The following USP5 variants were observed in gnomAD, a reference collection of about 807,000 sequenced individuals.
USP5 encodes the protein ubiquitin specific peptidase 5.
A neutral mutation model predicts 102.5 loss-of-function variants in USP5; 24 were observed. The observed-to-expected ratio is 0.23, with a 90% CI of 0.17 to 0.33. USP5 has a LOEUF of 0.33. Ranked by LOEUF, USP5 falls within the 10% of genes least tolerant of loss-of-function variation. The pLI, the probability that USP5 is intolerant of heterozygous loss-of-function variation, is 1.00. For missense variants in USP5, 753 were observed against 1,122.1 expected (o/e 0.67, Z 4.70); for synonymous variants, 460 against 434.8 (o/e 1.06, Z -0.72).
At position 6,864,276 on chromosome 12, in the gene USP5, A is replaced by T; in HGVS notation, c.2244+81A>T. 2.0e-6 allele frequency: 3 copies of T among 1,492,246 alleles called. No individual in the cohort carries two copies. In the African/African-American group the frequency reaches 4.2e-5, roughly 21 times the overall value. The allele number at this position is 1,492,246 out of a possible 1,614,324, so 92.4% of individuals were successfully genotyped here. ...TGAGGGGCCATCCTTCTTGAGCAAG[A>T]CCAAAGACAACAGGTGTGGTCTGGC... On this transcript the variant is annotated intron_variant, in intron 17 of 19. Transcript: ENST00000229268. This position sits in a 1 kb window ranked among gnomAD's most constrained non-coding sequence, Gnocchi z 4.8.
rs1591611396 is a variant in USP5 at position 6,864,333 on chromosome 12, A to G, written c.2244+138A>G. The stretch of plus-strand genomic sequence containing the variant: ...TGGGCACCACTCTTTTGTGGCTGCG[A>G]TGAAGGAGCTGAAGCCTGCGTTCAC... On this transcript the variant is annotated intron_variant, in intron 17 of 19. Coordinates refer to ENST00000229268, the MANE Select transcript of USP5 (RefSeq NM_001098536.2). This position sits in a 1 kb window ranked among gnomAD's most constrained non-coding sequence, Gnocchi z 4.8. 2 of 1,273,034 alleles carry G rather than the reference A, an allele frequency of 1.6e-6. No homozygotes were observed. Among genetic ancestry groups the G allele is most frequent in the Non-Finnish European group, 2.1e-6 (2 of 956,302 alleles). The allele number at this position is 1,273,034 out of a possible 1,614,324, so 78.9% of individuals were successfully genotyped here.
In USP5 at chr12:6,860,045, CGTT is replaced by C. The variant is rs1437005095; in HGVS notation, c.1131-101_1131-99del. The C allele has an allele frequency of 1.1e-5, 13 of 1,226,476 alleles. No individual in the cohort carries two copies. The highest frequency in any genetic ancestry group is 4.7e-5 in the East Asian group (2 of 42,650). The allele number at this position is 1,226,476 out of a possible 1,614,324, so 76.0% of individuals were successfully genotyped here. A position where few individuals can be genotyped will look rare whatever the true frequency, so the allele number is the denominator to read the frequency against. On this transcript the variant is annotated intron_variant, in intron 9 of 19. Transcript: ENST00000229268. The surrounding 1 kb of genome is among the most constrained non-coding windows in gnomAD (Gnocchi z 5.5). ...TTCCTGTAGAATCTAAGGTTTTTCACGTTGTTGAGAGTTAGCTAGGGAGAGCCA... is the reference window on the plus strand; with the variant it reads ...TTCCTGTAGAATCTAAGGTTTTTCACGTTGAGAGTTAGCTAGGGAGAGCCA...
chr12:6,860,268 C>G lies in USP5; in HGVS notation c.1218+30C>G, dbSNP rs1555129241. The G allele has an allele frequency of 6.2e-7, 1 of 1,610,848 alleles. No individual in the cohort carries two copies. Among genetic ancestry groups the G allele is most frequent in the East Asian group, 2.2e-5 (1 of 44,822 alleles). On this transcript the variant is annotated intron_variant, in intron 10 of 19. Transcript: ENST00000229268. The surrounding 1 kb of genome is among the most constrained non-coding windows in gnomAD (Gnocchi z 5.5). ...GTCTAGGACCCTGTCCCTTTCAGGC[C>G]CTGGGATTGTGGGGAAGCTGAGGTC...
rs1555130124 is a variant in USP5 at position 6,863,911 on chromosome 12, A to G, written c.2036A>G (p.Tyr679Cys). The change falls in exon 16 of 20, where the codon TAC becomes TGC. Residue 679 changes from tyrosine to cysteine, a missense_variant. By Grantham distance (194) the Tyr-to-Cys change is radical (BLOSUM62 -2). Coordinates refer to ENST00000229268, the MANE Select transcript of USP5 (RefSeq NM_001098536.2). This position sits in a 1 kb window ranked among gnomAD's most constrained non-coding sequence, Gnocchi z 4.7. ...PMDACRKAVY[Y>C]TGNSGAEAAM... ...GACGCCTGCCGCAAAGCTGTCTACT[A>G]CACGGGCAACAGCGGGGCTGAGGCC... 6.2e-7 allele frequency: 1 copy of G among 1,611,892 alleles called. No homozygotes were observed. The highest frequency in any genetic ancestry group is 1.7e-5 in the Admixed American group (1 of 59,780).
In USP5 at chr12:6,865,991, ATCTAC is replaced by A. The variant is rs1944435352; in HGVS notation, c.2492_2496del (p.Ile831LysfsTer2). 6.2e-7 allele frequency: 1 copy of A among 1,613,950 alleles called. No homozygotes were observed. Among genetic ancestry groups the A allele is most frequent in the Admixed American group, 1.7e-5 (1 of 59,992 alleles). ...TTTTCCCCACTTCCCCAGATGGGTG[ATCTAC>A]AATGACCAGAAAGTGTGTGCCTCCG... On this transcript the variant is annotated frameshift_variant, in exon 20 of 20. Transcript: ENST00000229268. LOFTEE classifies it high-confidence loss of function.
Position 6,860,833 on chromosome 12 carries a change from C to T in USP5, c.1345-120C>T. 1 of 1,432,704 alleles carries T rather than the reference C, an allele frequency of 7.0e-7. No individual in the cohort carries two copies. Among genetic ancestry groups the T allele is most frequent in the Non-Finnish European group, 9.6e-7 (1 of 1,046,078 alleles). The allele number at this position is 1,432,704 out of a possible 1,614,324, so 88.7% of individuals were successfully genotyped here. A position where few individuals can be genotyped will look rare whatever the true frequency, so the allele number is the denominator to read the frequency against. ...AATTAGGGAAGGTTTCTGCTCTGCT[C>T]TTGTGTCCCTGAGTTCCGAGTGGTA... On this transcript the variant is annotated intron_variant, in intron 11 of 19. Transcript: ENST00000229268. The surrounding 1 kb of genome is among the most constrained non-coding windows in gnomAD (Gnocchi z 5.5).
chr12:6,865,810 G>C (rs1038895498), intron 19 of USP5, among the ~76,000 whole-genome samples, 174 bp from the exon 20 acceptor site: 1 of 152,202 alleles, frequency 6.6e-6, no homozygotes, highest in Non-Finnish European at 1.5e-5. Context: ...AATAGGGTCC[G>C]TGACCCTTGT....
At chr12:6,862,031 C>T (rs1944292191) in intron 13 of USP5, among the ~76,000 whole-genome samples, 1 of 151,710 alleles carries the variant, frequency 6.6e-6, no homozygotes, top group Non-Finnish European at 1.5e-5. Context: ...GAGTCAGCTA[C>T]CCAGCCCTTT....
Position 6,861,076 on chromosome 12 carries a change from C to A in USP5, c.1468C>A (p.Pro490Thr). ...TQRVDYIMQL[P>T]VPMDAALNKE... is the part of the protein sequence containing the mutation. ...GCGAGTTGACTACATCATGCAGCTG[C>A]CTGTGCCCATGGATGCAGCCCTTAA... Residue 490 changes from proline to threonine, a missense_variant, in exon 12 of 20, where the codon CCT becomes ACT. Around this residue, in one of 3 missense-constraint regions of USP5, gnomAD observed 527 missense variants for 816.5 expected, o/e 0.65. Coordinates refer to ENST00000229268, the MANE Select transcript of USP5 (RefSeq NM_001098536.2). The surrounding 1 kb of genome is among the most constrained non-coding windows in gnomAD (Gnocchi z 4.9). 1.9e-6 allele frequency: 3 copies of A among 1,614,222 alleles called. No homozygotes were observed. The highest frequency in any genetic ancestry group is 2.5e-6 in the Non-Finnish European group (3 of 1,180,038).
intron 19 of USP5, 91 bp downstream of exon 19, chr12:6,865,339 G>A: frequency 8.4e-7 from 1 of 1,189,158 alleles, no homozygotes; most frequent in Non-Finnish European, 1.2e-6. Flanking sequence ...ATGGGAGAAG[G>A]TGAAGGGACT....
In USP5 at chr12:6,858,986, G is replaced by C. The variant is rs1439432190; in HGVS notation, c.1058+369G>C. Among the ~76,000 whole-genome samples the C allele has an allele frequency of 6.6e-6, 1 of 152,128 alleles. No homozygotes were observed. Among genetic ancestry groups the C allele is most frequent in the Non-Finnish European group, 1.5e-5 (1 of 68,026 alleles). On this transcript the variant is annotated intron_variant, in intron 8 of 19. Coordinates refer to ENST00000229268, the MANE Select transcript of USP5 (RefSeq NM_001098536.2). This position sits in a 1 kb window ranked among gnomAD's most constrained non-coding sequence, Gnocchi z 4.2. ...ATAGTGCAGAGTGCCAAGTCCCAGG[G>C]CTCTGTGGCCTTCTGACAGACTCAA...
chr12:6,854,049 C>A (rs981200430), intron 1 of USP5, among the ~76,000 whole-genome samples: 6 of 152,212 alleles, frequency 3.9e-5, no homozygotes, highest in Admixed American at 3.9e-4. Flanking sequence ...CCTCCACCTT[C>A]TCCATCACTC....
rs1337081784 is a variant in USP5 at position 6,858,166 on chromosome 12, G to A, written c.865-258G>A. The stretch of plus-strand genomic sequence containing the variant: ...GGAGGTTAGGGGTAACTTAAGGATG[G>A]GAAAAACATTTCAGGTAGAAGGAAA... On this transcript the variant is annotated intron_variant, in intron 7 of 19. Coordinates refer to ENST00000229268, the MANE Select transcript of USP5 (RefSeq NM_001098536.2). This position sits in a 1 kb window ranked among gnomAD's most constrained non-coding sequence, Gnocchi z 4.2. Among the ~76,000 whole-genome samples, 1 of 152,106 alleles carries A rather than the reference G, an allele frequency of 6.6e-6. No individual in the cohort carries two copies. Among genetic ancestry groups the A allele is most frequent in the Admixed American group, 6.5e-5 (1 of 15,270 alleles).
At chr12:6,859,658 T>C in intron 9 of USP5, 117 bp downstream of exon 9, 1 of 1,076,164 alleles carries the variant, frequency 9.3e-7, no homozygotes, top group East Asian at 2.5e-5. Context: ...TTGTTTTGTT[T>C]TGTTTTGTTT....
Position 6,864,091 on chromosome 12 carries a change from G to A in USP5, c.2140G>A (p.Gly714Ser). Reference protein sequence around the residue: ...PLILPGSSGPGSTSAAADPPP... With the variant: ...PLILPGSSGPSSTSAAADPPP... ...CATCCTGCCTGGCTCTAGTGGGCCG[G>A]GCTCCACAAGCGCAGCAGCCGACCC... is the stretch of plus-strand genomic sequence containing the variant. The change falls in exon 17 of 20, where the codon GGC (glycine) becomes AGC (serine). Residue 714 changes from glycine to serine, a missense_variant. By Grantham distance (56) the Gly-to-Ser change is moderately conservative (BLOSUM62 0). This residue lies in a region of USP5 where 193 missense variants were observed against 230.2 expected (regional missense o/e 0.84). Transcript: ENST00000229268. The surrounding 1 kb of genome is among the most constrained non-coding windows in gnomAD (Gnocchi z 4.8). 6.2e-6 allele frequency: 10 copies of A among 1,613,596 alleles called. No homozygotes were observed. Among genetic ancestry groups the A allele is most frequent in the Non-Finnish European group, 8.5e-6 (10 of 1,179,722 alleles).
At position 6,862,478 on chromosome 12, in the gene USP5, G is replaced by A. The variant is rs1555129784; in HGVS notation, c.1682G>A (p.Arg561Gln). The A allele has an allele frequency of 6.8e-6, 11 of 1,614,022 alleles. No individual in the cohort carries two copies. The highest frequency in any genetic ancestry group is 4.5e-5 in the East Asian group (2 of 44,868). Residue 561 changes from arginine (R) to glutamine (Q), a missense_variant, in exon 14 of 20, where the codon CGA becomes CAA. Arg to Gln is a conservative substitution (Grantham distance 43). This residue lies in a region of USP5 where 527 missense variants were observed against 816.5 expected (regional missense o/e 0.65). Coordinates refer to ENST00000229268, the MANE Select transcript of USP5 (RefSeq NM_001098536.2). ...QAKSVAVKTT[R>Q]FASFPDYLVI... ...CAGTCTCTCTTCCCTAGGACCACACGATTTGCCTCATTCCCTGACTACCTG... is the reference window on the plus strand; with the variant it reads ...CAGTCTCTCTTCCCTAGGACCACACAATTTGCCTCATTCCCTGACTACCTG...
In USP5 at chr12:6,861,320, T is replaced by C. The variant is rs1035338528; in HGVS notation, c.1499-123T>C. The C allele has an allele frequency of 7.6e-6, 10 of 1,316,454 alleles. No individual in the cohort carries two copies. The Admixed American group carries it at 1.2e-4, about 15-fold the overall frequency. 81.5% of individuals were successfully genotyped at this position (1,316,454 alleles called of 1,614,324 possible). A position where few individuals can be genotyped will look rare whatever the true frequency, so the allele number is the denominator to read the frequency against. On this transcript the variant is annotated intron_variant, in intron 12 of 19. Coordinates refer to ENST00000229268, the MANE Select transcript of USP5 (RefSeq NM_001098536.2). This position sits in a 1 kb window ranked among gnomAD's most constrained non-coding sequence, Gnocchi z 4.9. ...GGAAACAGGCGAGATATATTGGACATGTGTCAGGGGTGCTTTGGAAGGGTA... is the reference window on the plus strand; with the variant it reads ...GGAAACAGGCGAGATATATTGGACACGTGTCAGGGGTGCTTTGGAAGGGTA...
intron 1 of USP5, among the ~76,000 whole-genome samples, chr12:6,854,283 GA>G (rs1839225836): frequency 6.6e-6 from 1 of 152,144 alleles, no homozygotes; most frequent in Non-Finnish European, 1.5e-5. Context: ...GGAGGCAGAG[GA>G]GAGAGGGTGG....
chr12:6,864,336 A>G lies in USP5; in HGVS notation c.2244+141A>G. On this transcript the variant is annotated intron_variant, in intron 17 of 19. Coordinates refer to ENST00000229268, the MANE Select transcript of USP5 (RefSeq NM_001098536.2). This position sits in a 1 kb window ranked among gnomAD's most constrained non-coding sequence, Gnocchi z 4.8. ...GCACCACTCTTTTGTGGCTGCGATG[A>G]AGGAGCTGAAGCCTGCGTTCACTGC... is the stretch of plus-strand genomic sequence containing the variant. 8.0e-7 allele frequency: 1 copy of G among 1,243,694 alleles called. No homozygotes were observed. Among genetic ancestry groups the G allele is most frequent in the African/African-American group, 1.5e-5 (1 of 65,898 alleles). The allele number at this position is 1,243,694 out of a possible 1,614,324, so 77.0% of individuals were successfully genotyped here.
Sources: allele counts gnomAD v4.1 joint callset (sites outside exome capture counted in the v4.1 genomes callset), GRCh38; gene constraint gnomAD v4.1.1; regional missense constraint gnomAD v4.1.1; non-coding constraint Gnocchi (gnomAD v3.1); transcripts MANE v1.5; gene names NCBI Gene and HGNC (gene_info 2026-07-23, HGNC 2026-07-21).